TOP1: variants seen among roughly 807,000 people sequenced by gnomAD.
TOP1 encodes the protein DNA topoisomerase 1.
TOP1 carries 10 observed loss-of-function variants against 111.1 expected under a neutral mutation model. The ratio of observed to expected loss-of-function variants is 0.09; its 90% CI spans 0.06 to 0.15. The LOEUF (loss-of-function observed/expected upper bound fraction) is 0.15, where lower values mean the gene tolerates loss of function less well. TOP1 is among the 10% of genes least tolerant of loss of function. The pLI is 1.00. For missense variants in TOP1, 474 were observed against 926.7 expected, an observed-to-expected ratio of 0.51 and a Z score of 6.34; for synonymous variants, 271 against 302.9, an observed-to-expected ratio of 0.89 and a Z score of 1.10.
intron 2 of TOP1, among the ~76,000 whole-genome samples, chr20:41,049,711 T>A (rs192420289): frequency 1.3e-5 from 2 of 152,356 alleles, no homozygotes; most frequent in African/African-American, 2.4e-5. Flanking sequence ...GTTTTGGGGC[T>A]GAGTTGTATT....
rs977301829 is a variant in TOP1, at chr20:41,118,437, T to G, written c.1950+141T>G. 7 of 939,400 alleles carry G rather than the reference T, an allele frequency of 7.5e-6. No homozygotes were observed. In the African/African-American group the frequency reaches 1.2e-4, roughly 16 times the overall value. The allele number at this position is 939,400 out of a possible 1,614,324, so 58.2% of individuals were successfully genotyped here. A position where few individuals can be genotyped will look rare whatever the true frequency, so the allele number is the denominator to read the frequency against. ...TGCTAAAGATAAACAAATGGAAATA[T>G]GATAGTAGTTAATCTCTGATCAAGA... On this transcript the variant is annotated intron_variant, in intron 18 of 20. Coordinates refer to ENST00000361337, the MANE Select transcript of TOP1 (RefSeq NM_003286.4). The surrounding 1 kb of genome is among the most constrained non-coding windows in gnomAD (Gnocchi z 4.6).
In TOP1 at chr20:41,101,074, G is replaced by C. The variant is rs188547398; in HGVS notation, c.1164-135G>C. The C allele has an allele frequency of 2.3e-4, 179 of 787,234 alleles. No individual in the cohort carries two copies. Among genetic ancestry groups the C allele is most frequent in the Non-Finnish European group, 3.4e-4 (168 of 490,170 alleles). The allele number at this position is 787,234 out of a possible 1,614,324, so 48.8% of individuals were successfully genotyped here. The stretch of plus-strand genomic sequence containing the variant: ...TGAGGGTAAGTAAAACCATGCATAA[G>C]GTGGGACTACTGTATTGACTGTTAA... On this transcript the variant is annotated intron_variant, in intron 12 of 20. Coordinates refer to ENST00000361337, the MANE Select transcript of TOP1 (RefSeq NM_003286.4). The surrounding 1 kb of genome is among the most constrained non-coding windows in gnomAD (Gnocchi z 4.1).
chr20:41,090,749 G>A (rs1336400512), intron 8 of TOP1, among the ~76,000 whole-genome samples: 3 of 152,070 alleles, frequency 2.0e-5, no homozygotes, highest in Non-Finnish European at 4.4e-5. Flanking sequence ...CAAGTGATCC[G>A]CCCACCCCAG....
chr20:41,064,928 G>A (rs569228465), intron 3 of TOP1, among the ~76,000 whole-genome samples: 2 of 151,904 alleles, frequency 1.3e-5, no homozygotes, highest in South Asian at 2.1e-4. Context: ...TTTTTGAGAC[G>A]GAGTCTTACT....
intron 3 of TOP1, chr20:41,072,471 T>C: frequency 1.0e-6 from 1 of 985,466 alleles, no homozygotes; most frequent in Non-Finnish European, 1.2e-6. Context: ...TCAGCCTGAC[T>C]GACCCCACAT....
In TOP1 at chr20:41,122,120, A is replaced by G. The variant is rs200093559; in HGVS notation, c.2160A>G (p.Lys720=). ...AACAGATTGCCCTGGGAACCTCCAA[A>G]CTCAATTATCTGGACCCTAGGATCA... ...ENKQIALGTS[K]LNYLDPRITV... Residue 720 remains lysine (K), a synonymous_variant, in exon 20 of 21, where the codon AAA becomes AAG. Transcript: ENST00000361337. The surrounding 1 kb of genome is among the most constrained non-coding windows in gnomAD (Gnocchi z 5.4). 1.2e-6 allele frequency: 2 copies of G among 1,613,994 alleles called. No homozygotes were observed. Among genetic ancestry groups the G allele is most frequent in the Non-Finnish European group, 1.7e-6 (2 of 1,179,984 alleles).
chr20:41,059,155 C>T (rs1352059881), intron 2 of TOP1, among the ~76,000 whole-genome samples: 2 of 151,926 alleles, frequency 1.3e-5, no homozygotes, highest in African/African-American at 4.8e-5. Flanking sequence ...ACAGCAGATA[C>T]AGGGGCCTTT....
At chr20:41,053,167 G>A (rs2033427068) in intron 2 of TOP1, among the ~76,000 whole-genome samples, 1 of 152,150 alleles carries the variant, frequency 6.6e-6, no homozygotes, top group Non-Finnish European at 1.5e-5. Context: ...TTTCAGCAAT[G>A]ATAGTAATAG....
rs2033094404 is a variant in TOP1 at position 41,029,792 on chromosome 20, C to T, written c.58+337C>T. On this transcript the variant is annotated intron_variant, in intron 2 of 20. Transcript: ENST00000361337. The surrounding 1 kb of genome is among the most constrained non-coding windows in gnomAD (Gnocchi z 6.1). ...TCTGCGCCATTTTCTTTTTCTCTCT[C>T]CTCTCCTTTCTGTGCCTGTGTCTCT... The T allele has an allele frequency of 5.0e-6, 2 of 396,714 alleles. No individual in the cohort carries two copies. Among genetic ancestry groups the T allele is most frequent in the East Asian group, 5.4e-5 (1 of 18,560 alleles). 24.6% of individuals were successfully genotyped at this position (396,714 alleles called of 1,614,324 possible).
intron 3 of TOP1, among the ~76,000 whole-genome samples, chr20:41,075,585 T>C (rs1397948557): frequency 1.3e-5 from 2 of 152,238 alleles, no homozygotes; most frequent in Admixed American, 1.3e-4. Flanking sequence ...AATGTCATAT[T>C]TTGCTTTTTA....
chr20:41,083,992 C>T lies in TOP1; in HGVS notation c.508-470C>T, dbSNP rs768115706. Among the ~76,000 whole-genome samples the T allele has an allele frequency of 2.0e-5, 3 of 152,134 alleles. No homozygotes were observed. The highest frequency in any genetic ancestry group is 4.4e-5 in the Non-Finnish European group (3 of 67,996). On this transcript the variant is annotated intron_variant, in intron 7 of 20. Coordinates refer to ENST00000361337, the MANE Select transcript of TOP1 (RefSeq NM_003286.4). The surrounding 1 kb of genome is among the most constrained non-coding windows in gnomAD (Gnocchi z 7.2). ...ATCATGACTTTGTGTATACAAGCAG[C>T]AGCGATAGTACTATACTCCACTAAA... is the stretch of plus-strand genomic sequence containing the variant.
intron 8 of TOP1, among the ~76,000 whole-genome samples, chr20:41,091,553 T>C (rs1846390726): frequency 4.8e-5 from 2 of 41,294 alleles, no homozygotes; most frequent in Middle Eastern, 9.8e-3. Context: ...ATTATTAACC[T>C]TTTTTTTTTT....
chr20:41,101,426 G>T lies in TOP1; in HGVS notation c.1308+73G>T. On this transcript the variant is annotated intron_variant, in intron 13 of 20. Coordinates refer to ENST00000361337, the MANE Select transcript of TOP1 (RefSeq NM_003286.4). This position sits in a 1 kb window ranked among gnomAD's most constrained non-coding sequence, Gnocchi z 4.1. Reference sequence around the variant, plus strand: ...TTTTTTGTTGAAATGTAACGTTCTCGTCCTCTAGAATCACTTTGACAAATT... The same window carrying T: ...TTTTTTGTTGAAATGTAACGTTCTCTTCCTCTAGAATCACTTTGACAAATT... The T allele has an allele frequency of 2.1e-6, 3 of 1,460,008 alleles. No homozygotes were observed. The highest frequency in any genetic ancestry group is 2.8e-6 in the Non-Finnish European group (3 of 1,074,638). The allele number at this position is 1,460,008 out of a possible 1,614,324, so 90.4% of individuals were successfully genotyped here. A position where few individuals can be genotyped will look rare whatever the true frequency, so the allele number is the denominator to read the frequency against.
rs2034339735 is a variant in TOP1 at position 41,116,923 on chromosome 20, T to C, written c.1822+531T>C. 6.6e-6 allele frequency among the ~76,000 whole-genome samples: 1 copy of C among 152,176 alleles called. No homozygotes were observed. Among genetic ancestry groups the C allele is most frequent in the Non-Finnish European group, 1.5e-5 (1 of 68,032 alleles). On this transcript the variant is annotated intron_variant, in intron 17 of 20. Transcript: ENST00000361337. The surrounding 1 kb of genome is among the most constrained non-coding windows in gnomAD (Gnocchi z 5.6). The stretch of plus-strand genomic sequence containing the variant: ...CACTGCCCTCTGTAAATACATCAGA[T>C]GGCCTTAGAATATGAACCAGAAAAG...
chr20:41,079,441 G>A lies in TOP1; in HGVS notation c.336-644G>A, dbSNP rs2033764165. On this transcript the variant is annotated intron_variant, in intron 5 of 20. Transcript: ENST00000361337. This position sits in a 1 kb window ranked among gnomAD's most constrained non-coding sequence, Gnocchi z 4.0. ...TTTGAAGGTAAGATCTTAACAAATA[G>A]TAGTGAGACACTCTTCTGTATATAA... 6.6e-6 allele frequency among the ~76,000 whole-genome samples: 1 copy of A among 152,198 alleles called. No individual in the cohort carries two copies. Among genetic ancestry groups the A allele is most frequent in the African/African-American group, 2.4e-5 (1 of 41,448 alleles).
intron 2 of TOP1, among the ~76,000 whole-genome samples, chr20:41,035,223 G>A (rs1018062187): frequency 6.6e-6 from 1 of 152,010 alleles, no homozygotes; most frequent in Non-Finnish European, 1.5e-5. Flanking sequence ...TTCATTTGTT[G>A]TCTTAAGCTT....
At position 41,069,732 on chromosome 20, in the gene TOP1, A is replaced by T. The variant is rs2033648179; in HGVS notation, c.156-6439A>T. On this transcript the variant is annotated intron_variant, in intron 3 of 20. Coordinates refer to ENST00000361337, the MANE Select transcript of TOP1 (RefSeq NM_003286.4). The surrounding 1 kb of genome is among the most constrained non-coding windows in gnomAD (Gnocchi z 4.1). ...GGTAGTTGAATCTAATTCAGTAGTT[A>T]TTGATAGCATTCAATTTGGAGCCCT... 6.6e-6 allele frequency among the ~76,000 whole-genome samples: 1 copy of T among 152,214 alleles called. No individual in the cohort carries two copies. Among genetic ancestry groups the T allele is most frequent in the Non-Finnish European group, 1.5e-5 (1 of 68,040 alleles).
At chr20:41,096,148 C>G (rs754582355) in intron 9 of TOP1, among the ~76,000 whole-genome samples, 30 of 152,190 alleles carry the variant, frequency 2.0e-4, no homozygotes, top group Admixed American at 4.6e-4. Context: ...CTCACTGCAA[C>G]CCCTGCCTCC....
rs886759003 is a variant in TOP1, at chr20:41,029,301, C to T, written c.34-130C>T. ...TACAGTTCGAGGCAGGGATGGCTGCCCTCTGTGGCCACCCCCGGGTCCCCG... is the reference window on the plus strand; with the variant it reads ...TACAGTTCGAGGCAGGGATGGCTGCTCTCTGTGGCCACCCCCGGGTCCCCG... On this transcript the variant is annotated intron_variant, in intron 1 of 20. Coordinates refer to ENST00000361337, the MANE Select transcript of TOP1 (RefSeq NM_003286.4). The surrounding 1 kb of genome is among the most constrained non-coding windows in gnomAD (Gnocchi z 6.1). 8 of 869,044 alleles carry T rather than the reference C, an allele frequency of 9.2e-6. No homozygotes were observed. The highest frequency in any genetic ancestry group is 3.0e-5 in the East Asian group (1 of 32,818). 53.8% of individuals were successfully genotyped at this position (869,044 alleles called of 1,614,324 possible).
Sources: gnomAD v4.1 joint callset for allele counts (sites outside exome capture counted in the v4.1 genomes callset) on GRCh38, gnomAD v4.1.1 for gene constraint, Gnocchi (gnomAD v3.1) non-coding constraint, MANE v1.5 for transcripts, NCBI Gene and HGNC (gene_info 2026-07-23, HGNC 2026-07-21) for gene names.